Variants in CCDC149 observed in about 807,000 individuals in gnomAD.
CCDC149 encodes the protein coiled-coil domain-containing protein 149.
A neutral mutation model predicts 59.9 loss-of-function variants in CCDC149; 45 were observed. The ratio of observed to expected loss-of-function variants is 0.75; its 90% CI spans 0.59 to 0.96. The LOEUF is 0.96. Among genes scored for constraint, CCDC149 ranks in the 40% least tolerant of loss-of-function variants. The pLI is 0.00. For synonymous variants in CCDC149, 245 were observed against 260.6 expected (o/e 0.94, Z 0.58); for missense variants, 584 against 664.7 (o/e 0.88, Z 1.33).
intron 12 of CCDC149, among the ~76,000 whole-genome samples, chr4:24,818,280 G>C (rs921098548): frequency 2.0e-5 from 3 of 152,158 alleles, no homozygotes; most frequent in African/African-American, 4.8e-5. Context: ...AGGAAGAGTT[G>C]GTGATGTCAT....
chr4:24,936,136 G>GAA lies in CCDC149; in HGVS notation c.-64-41020_-64-41019dup, dbSNP rs565601567. ...AGAGCAAGTTCAGTGGAGTAGTAGG[G>GAA]AAAAAAGAACTGATGAGAAAGTAGA... On this transcript the variant is annotated intron_variant, in intron 1 of 12. Coordinates refer to the CCDC149 transcript ENST00000389609. 3.3e-5 allele frequency among the ~76,000 whole-genome samples: 5 copies of GAA among 152,146 alleles called. No individual in the cohort carries two copies. In the South Asian group the frequency reaches 1.0e-3, roughly 32 times the overall value.
At chr4:24,805,006 G>C (rs1333742918), downstream of CCDC149, among the ~76,000 whole-genome samples, 3 of 152,180 alleles carry the variant, frequency 2.0e-5, no homozygotes, top group Admixed American at 1.3e-4. Flanking sequence ...AGAAGAAGGT[G>C]GGCAGAGAAG....
intron 12 of CCDC149, among the ~76,000 whole-genome samples, chr4:24,812,483 A>C (rs1714683775): frequency 6.6e-6 from 1 of 152,166 alleles, no homozygotes; most frequent in Admixed American, 6.5e-5. Flanking sequence ...AGGATCCTCT[A>C]CCTGGAAAAT....
intron 1 of CCDC149, among the ~76,000 whole-genome samples, chr4:24,962,917 C>A (rs907161117): frequency 9.6e-5 from 11 of 114,576 alleles, no homozygotes; most frequent in African/African-American, 3.2e-4. Context: ...TAAATAAAAT[C>A]TTTGTAAAGT....
chr4:24,879,782 C>G (rs1386832278), intron 1 of CCDC149, among the ~76,000 whole-genome samples: 1 of 152,122 alleles, frequency 6.6e-6, no homozygotes, highest in East Asian at 1.9e-4. Context: ...CAGCCTAGGC[C>G]CACTAAATCA....
intron 1 of CCDC149, among the ~76,000 whole-genome samples, chr4:24,970,962 T>C (rs1723951526): frequency 6.6e-6 from 1 of 152,152 alleles, no homozygotes; most frequent in African/African-American, 2.4e-5. Context: ...GTGGCCCTCA[T>C]CCTGTTATGG....
At chr4:24,971,545 G>C (rs1338129084) in intron 1 of CCDC149, among the ~76,000 whole-genome samples, 1 of 152,208 alleles carries the variant, frequency 6.6e-6, no homozygotes, top group Non-Finnish European at 1.5e-5. Flanking sequence ...TCTGCAAAAG[G>C]TATAATTACC....
At position 24,853,166 on chromosome 4, in the gene CCDC149, T is replaced by C; in HGVS notation, c.278A>G (p.Gln93Arg). Reference sequence around the variant, plus strand: ...TCGGTCCTGAGAATCTCTCAATAGTTGTGCAAGATTAGCCTAGAAATATCA... The same window carrying C: ...TCGGTCCTGAGAATCTCTCAATAGTCGTGCAAGATTAGCCTAGAAATATCA... The change falls in exon 4 of 13, where the codon CAA becomes CGA. Residue 93 changes from glutamine to arginine, a missense_variant. Transcript: ENST00000635206. The C allele has an allele frequency of 6.2e-7, 1 of 1,609,238 alleles. No homozygotes were observed. The highest frequency in any genetic ancestry group is 8.5e-7 in the Non-Finnish European group (1 of 1,175,680).
intron 1 of CCDC149, among the ~76,000 whole-genome samples, chr4:24,945,593 T>C (rs1456769445): frequency 6.6e-6 from 1 of 151,644 alleles, no homozygotes; most frequent in African/African-American, 2.4e-5. Flanking sequence ...TTTAAGCCAC[T>C]CTGTTTATGA....
At chr4:24,950,113 C>A (rs1723241912) in intron 1 of CCDC149, among the ~76,000 whole-genome samples, 1 of 152,210 alleles carries the variant, frequency 6.6e-6, no homozygotes, top group Non-Finnish European at 1.5e-5. Context: ...CTGGTAGAAA[C>A]TGGTAAGGAC....
intron 9 of CCDC149, among the ~76,000 whole-genome samples, chr4:24,825,679 A>C (rs1715685240): frequency 1.3e-5 from 2 of 151,694 alleles, no homozygotes; most frequent in Admixed American, 1.3e-4. Context: ...AGGCTGAGGC[A>C]GGAGAATGGC....
At chr4:24,891,014 G>A (rs1386559785) in intron 1 of CCDC149, among the ~76,000 whole-genome samples, 1 of 152,228 alleles carries the variant, frequency 6.6e-6, no homozygotes, top group Non-Finnish European at 1.5e-5. Context: ...GGCCTCCCCA[G>A]CCGAGCCCTG....
At chr4:24,975,767 C>G (rs951907527) in intron 1 of CCDC149, among the ~76,000 whole-genome samples, 1 of 151,898 alleles carries the variant, frequency 6.6e-6, no homozygotes, top group African/African-American at 2.4e-5. Flanking sequence ...AGTAACGGGT[C>G]CCAGGCAAGC....
chr4:24,822,598 A>G (rs1191396283), intron 9 of CCDC149, 25 bp from the exon 10 acceptor site: 1 of 1,497,530 alleles, frequency 6.7e-7, no homozygotes, highest in Non-Finnish European at 9.0e-7. Flanking sequence ...GAAAATGACA[A>G]TCAATTACTG....
Position 24,968,467 on chromosome 4 carries a change from C to T in CCDC149, c.-65+11602G>A, listed in dbSNP as rs189487225. ...GGTACCTACTTGGAGCAGCAGAGTA[C>T]GCTGAGTACAAGTCCCTTAGCAACA... On this transcript the variant is annotated intron_variant, in intron 1 of 12. Transcript: ENST00000389609. 1.4e-4 allele frequency among the ~76,000 whole-genome samples: 21 copies of T among 151,838 alleles called. No homozygotes were observed. The East Asian group carries it at 2.7e-3, about 20-fold the overall frequency.
intron 1 of CCDC149, among the ~76,000 whole-genome samples, chr4:24,905,402 TTTGC>T: frequency 7.4e-6 from 1 of 135,796 alleles, no homozygotes; most frequent in Admixed American, 7.9e-5. Flanking sequence ...CTTCTTTCTT[TTTGC>T]GTGCGTGCGT....
At chr4:24,862,494 T>A (rs1718445202) in intron 3 of CCDC149, among the ~76,000 whole-genome samples, 1 of 152,218 alleles carries the variant, frequency 6.6e-6, no homozygotes, top group Non-Finnish European at 1.5e-5. Context: ...GGCTACTCGC[T>A]GTGGTTTGTC....
At chr4:24,974,731 C>T (rs894623742) in intron 1 of CCDC149, among the ~76,000 whole-genome samples, 3 of 152,208 alleles carry the variant, frequency 2.0e-5, no homozygotes, top group Non-Finnish European at 4.4e-5. Flanking sequence ...TGCATGGCCT[C>T]GGATGATCCA....
intron 4 of CCDC149, among the ~76,000 whole-genome samples, chr4:24,851,568 GA>G (rs1182243369): frequency 2.0e-5 from 3 of 149,490 alleles, no homozygotes; most frequent in Admixed American, 6.7e-5. Context: ...AGCAGCTCAG[GA>G]AAAAAAAAGA....
Sources: allele counts gnomAD v4.1 joint callset (sites outside exome capture counted in the v4.1 genomes callset), GRCh38; gene constraint gnomAD v4.1.1; transcripts MANE v1.5; gene names NCBI Gene and HGNC (gene_info 2026-07-23, HGNC 2026-07-21).